SH2D4B: variants seen among roughly 807,000 people sequenced by gnomAD.
The protein encoded by SH2D4B is SH2 domain-containing protein 4B.
A neutral mutation model predicts 61.5 loss-of-function variants in SH2D4B; 45 were observed. The ratio of observed to expected loss-of-function variants is 0.73; its 90% CI spans 0.58 to 0.94. The LOEUF is 0.94. Ranked by LOEUF, SH2D4B falls within the 40% of genes least tolerant of loss-of-function variation. SH2D4B has a pLI of 0.00. For missense variants in SH2D4B, 572 were observed against 574.2 expected, an observed-to-expected ratio of 1.00 and a Z score of 0.04; for synonymous variants, 224 against 220.4, an observed-to-expected ratio of 1.02 and a Z score of -0.14.
intron 6 of SH2D4B, among the ~76,000 whole-genome samples, chr10:80,629,538 CTA>C (rs1294188072): frequency 6.6e-6 from 1 of 152,092 alleles, no homozygotes; most frequent in Non-Finnish European, 1.5e-5. Flanking sequence ...CTTCAGCAGC[CTA>C]TGTTTGAGAG....
chr10:80,639,382 G>A (rs1289319890), intron 7 of SH2D4B, among the ~76,000 whole-genome samples: 1 of 152,160 alleles, frequency 6.6e-6, no homozygotes, highest in African/African-American at 2.4e-5. Context: ...TATTGACAGG[G>A]GGTGTTAAAG....
chr10:80,573,227 C>A (rs559196513), intron 3 of SH2D4B, among the ~76,000 whole-genome samples: 1 of 149,564 alleles, frequency 6.7e-6, no homozygotes, highest in Non-Finnish European at 1.5e-5. Context: ...ACCTCGTGAT[C>A]CGCCCACCTC....
intron 6 of SH2D4B, among the ~76,000 whole-genome samples, chr10:80,613,578 CT>C (rs1390425090): frequency 2.0e-5 from 3 of 152,222 alleles, no homozygotes; most frequent in African/African-American, 7.2e-5. Context: ...TGCTCAGGTG[CT>C]GGGAGTGGAT....
chr10:80,623,873 C>T (rs1842744524), intron 6 of SH2D4B, among the ~76,000 whole-genome samples: 1 of 152,188 alleles, frequency 6.6e-6, no homozygotes, highest in Admixed American at 6.5e-5. Context: ...GATCTACTCC[C>T]CAAGTCATGG....
chr10:80,644,015 G>A lies in SH2D4B; in HGVS notation c.1232G>A (p.Gly411Glu). 6.2e-7 allele frequency: 1 copy of A among 1,613,772 alleles called. No homozygotes were observed. The highest frequency in any genetic ancestry group is 1.1e-5 in the South Asian group (1 of 91,046). Reference protein sequence around the residue: ...FHKEEIITVSGGELLQEPCGQ... With the variant: ...FHKEEIITVSEGELLQEPCGQ... Reference sequence around the variant, plus strand: ...TAGGAGGAAATTATCACTGTTTCAGGAGGAGAGTTACTTCAGGAACCCTGC... The same window carrying A: ...TAGGAGGAAATTATCACTGTTTCAGAAGGAGAGTTACTTCAGGAACCCTGC... Residue 411 changes from glycine to glutamate, a missense_variant, in exon 8 of 8, where the codon GGA (glycine) becomes GAA (glutamate). Gly to Glu is a moderately conservative substitution (Grantham distance 98, BLOSUM62 -2). Transcript: ENST00000646907.
Position 80,538,458 on chromosome 10 carries a change from G to C in SH2D4B, c.127G>C (p.Glu43Gln). 6.7e-7 allele frequency: 1 copy of C among 1,483,634 alleles called. No individual in the cohort carries two copies. Among genetic ancestry groups the C allele is most frequent in the Non-Finnish European group, 9.0e-7 (1 of 1,115,562 alleles). The allele number at this position is 1,483,634 out of a possible 1,614,324, so 91.9% of individuals were successfully genotyped here. The stretch of plus-strand genomic sequence containing the variant: ...GCAGCTGAGGCGCTGGAAGGAGCGG[G>C]AGACTTGGGAGGCCCTGGCCCAGGA... ...EEQLRRWKER[E>Q]TWEALAQDEG... Residue 43 changes from glutamate (E) to glutamine (Q), a missense_variant, in exon 1 of 8, where the codon GAG becomes CAG. Transcript: ENST00000646907. The surrounding 1 kb of genome is among the most constrained non-coding windows in gnomAD (Gnocchi z 4.8).
chr10:80,630,346 G>C (rs72805759), intron 6 of SH2D4B, among the ~76,000 whole-genome samples: 1 of 152,242 alleles, frequency 6.6e-6, no homozygotes, highest in East Asian at 1.9e-4. Flanking sequence ...ACAGGTCTCT[G>C]TCTTGGAGGG....
chr10:80,621,572 C>T (rs191482172), intron 6 of SH2D4B, among the ~76,000 whole-genome samples: 3 of 152,326 alleles, frequency 2.0e-5, no homozygotes, highest in Non-Finnish European at 4.4e-5. Context: ...CTTCTCCTTG[C>T]TTGATGGGTC....
chr10:80,589,151 C>G (rs1422041048), intron 4 of SH2D4B, among the ~76,000 whole-genome samples: 3 of 151,716 alleles, frequency 2.0e-5, no homozygotes, highest in Non-Finnish European at 4.4e-5. Flanking sequence ...TTACAGGCAC[C>G]CGCCACCAAG....
intron 1 of SH2D4B, among the ~76,000 whole-genome samples, chr10:80,546,765 G>A (rs984329010): frequency 6.0e-5 from 9 of 151,078 alleles, no homozygotes; most frequent in East Asian, 4.0e-4. Flanking sequence ...CTGACCTCAT[G>A]ATCCGTCCGC....
At chr10:80,576,759 T>G (rs1440468488) in intron 3 of SH2D4B, among the ~76,000 whole-genome samples, 1 of 152,206 alleles carries the variant, frequency 6.6e-6, no homozygotes, top group Non-Finnish European at 1.5e-5. Flanking sequence ...TAGTAATGAC[T>G]GATATAACTT....
chr10:80,570,242 C>G lies in SH2D4B; in HGVS notation c.273C>G (p.Pro91=). 6.2e-7 allele frequency: 1 copy of G among 1,614,130 alleles called. No homozygotes were observed. The highest frequency in any genetic ancestry group is 1.3e-5 in the African/African-American group (1 of 75,032). The part of the protein sequence containing the change: ...WIMGEGPGDK[P]YEEISEELIA... ...TGGGAGAAGGCCCTGGTGACAAGCC[C>G]TACGAAGAGATCTCTGAGGAGCTGA... Residue 91 remains proline, a synonymous_variant, in exon 2 of 8, where the codon CCC becomes CCG. Coordinates refer to ENST00000646907, the MANE Select transcript of SH2D4B (RefSeq NM_001388272.1).
intron 6 of SH2D4B, among the ~76,000 whole-genome samples, chr10:80,620,017 C>T (rs574535625): frequency 1.3e-5 from 2 of 152,292 alleles, no homozygotes; most frequent in East Asian, 3.9e-4. Flanking sequence ...TTGGCTCATC[C>T]AAAACAGCAG....
intron 6 of SH2D4B, among the ~76,000 whole-genome samples, chr10:80,617,031 C>T (rs1261623487): frequency 6.6e-6 from 1 of 152,238 alleles, no homozygotes; most frequent in East Asian, 1.9e-4. Context: ...GTCAGTTGCC[C>T]ATGGTTATGT....
chr10:80,589,380 A>G (rs890690982), intron 4 of SH2D4B, among the ~76,000 whole-genome samples: 6 of 152,168 alleles, frequency 3.9e-5, no homozygotes, highest in African/African-American at 1.4e-4. Flanking sequence ...CAAAAAAATA[A>G]GAAGTATTAG....
chr10:80,568,150 C>T (rs1351307168), intron 1 of SH2D4B, among the ~76,000 whole-genome samples: 1 of 151,476 alleles, frequency 6.6e-6, no homozygotes, highest in Admixed American at 6.6e-5. Flanking sequence ...TGCAGTGGCG[C>T]AATGAGAGAT....
At chr10:80,602,697 T>C (rs73309243) in intron 4 of SH2D4B, among the ~76,000 whole-genome samples, 5,496 of 152,278 alleles carry the variant, frequency 0.036, 332 homozygotes, top group African/African-American at 0.12. Flanking sequence ...AAGGACAGTT[T>C]CTGGCCTGGT....
Position 80,539,981 on chromosome 10 carries a change from C to T in SH2D4B, c.184+1466C>T, listed in dbSNP as rs912536138. 7.2e-5 allele frequency among the ~76,000 whole-genome samples: 11 copies of T among 152,230 alleles called. No homozygotes were observed. The highest frequency in any genetic ancestry group is 2.6e-4 in the African/African-American group (11 of 41,540). On this transcript the variant is annotated intron_variant, in intron 1 of 7. Transcript: ENST00000646907. This position sits in a 1 kb window ranked among gnomAD's most constrained non-coding sequence, Gnocchi z 4.9. ...GACAAGCCACCTTGCCAGCACCACC[C>T]GGCCTGAGCCCTGGGGACTCATGAT... is the stretch of plus-strand genomic sequence containing the variant.
At chr10:80,585,326 C>CT (rs35967768) in intron 3 of SH2D4B, among the ~76,000 whole-genome samples, 39,187 of 142,238 alleles carry the variant, frequency 0.28, 6,128 homozygotes, top group African/African-American at 0.43. Context: ...TCCTCTTTTT[C>CT]TTTTTTTTTT....
Sources: gnomAD v4.1 joint callset for allele counts (sites outside exome capture counted in the v4.1 genomes callset) on GRCh38, gnomAD v4.1.1 for gene constraint, Gnocchi (gnomAD v3.1) non-coding constraint, MANE v1.5 for transcripts, NCBI Gene and HGNC (gene_info 2026-07-23, HGNC 2026-07-21) for gene names.